The following ARID1B variants were observed in gnomAD, a reference collection of about 807,000 sequenced individuals.
The protein encoded by ARID1B is AT-rich interaction domain 1B.
A neutral mutation model predicts 212.3 loss-of-function variants in ARID1B; 30 were observed. The ratio of observed to expected loss-of-function variants is 0.14; its 90% CI spans 0.11 to 0.19. ARID1B has a LOEUF of 0.19. Among genes scored for constraint, ARID1B ranks in the 10% least tolerant of loss-of-function variants. The pLI is 1.00. For synonymous variants in ARID1B, 1,402 were observed against 1,301.7 expected (o/e 1.08, Z -1.66); for missense variants, 2,891 against 3,204.0 (o/e 0.90, Z 2.36).
intron 7 of ARID1B, chr6:157,140,884 A>T: frequency 2.6e-6 from 1 of 389,230 alleles, no homozygotes; most frequent in Non-Finnish European, 4.5e-6. Context: ...TGTGTTTCTC[A>T]TCATCACTCT....
chr6:156,936,441 T>G (rs1250525307), intron 4 of ARID1B: 1 of 151,972 alleles, frequency 6.6e-6, no homozygotes, highest in Non-Finnish European at 1.5e-5. Context: ...GGCTATTATA[T>G]GGGGTATCAT....
intron 6 of ARID1B, among the ~76,000 whole-genome samples, chr6:157,118,441 T>A (rs908638847): frequency 6.6e-6 from 1 of 152,178 alleles, no homozygotes. Context: ...AGTTTATAGA[T>A]CACCCCGGTA....
intron 4 of ARID1B, among the ~76,000 whole-genome samples, chr6:157,020,349 T>A (rs1303124189): frequency 6.6e-6 from 1 of 152,206 alleles, no homozygotes; most frequent in Non-Finnish European, 1.5e-5. Flanking sequence ...AGGGATGTAA[T>A]TTAAACATGT....
intron 4 of ARID1B, among the ~76,000 whole-genome samples, chr6:157,074,879 G>C (rs1784211090): frequency 6.6e-6 from 1 of 152,112 alleles, no homozygotes; most frequent in Non-Finnish European, 1.5e-5. Flanking sequence ...AATGGCTCTT[G>C]TGGAGAGGTA....
intron 4 of ARID1B, among the ~76,000 whole-genome samples, chr6:157,001,949 G>A (rs1360252433): frequency 1.3e-5 from 2 of 152,210 alleles, no homozygotes; most frequent in African/African-American, 2.4e-5. Flanking sequence ...CGTTTCCAGA[G>A]GTGCCTCGTA....
At chr6:156,948,311 A>G (rs1793316341) in intron 4 of ARID1B, among the ~76,000 whole-genome samples, 1 of 152,168 alleles carries the variant, frequency 6.6e-6, no homozygotes, top group African/African-American at 2.4e-5. Context: ...TTGAACGCCT[A>G]GACTCAGCCT....
intron 8 of ARID1B, chr6:157,164,620 T>C (rs544921550): frequency 3.9e-5 from 6 of 152,166 alleles, no homozygotes; most frequent in African/African-American, 1.2e-4. Flanking sequence ...CCTTTAACAA[T>C]TTTTTTTCTT....
rs2128338705 is a variant in ARID1B at position 157,189,658 on chromosome 6, G to A, written c.3936G>A (p.Leu1312=). The change falls in exon 14 of 20, where the codon TTG becomes TTA. Residue 1312 remains leucine (L), a synonymous_variant. Transcript: ENST00000636930. ...TACTATCAGCTAACTCGGGATCCTT[G>A]CAAGGCCCACAGACCCCCCAGTCAA... The part of the protein sequence containing the change: ...QPPSPANSGS[L]QGPQTPQSTG... 1 of 1,610,728 alleles carries A rather than the reference G, an allele frequency of 6.2e-7. No homozygotes were observed. Among genetic ancestry groups the A allele is most frequent in the Non-Finnish European group, 8.5e-7 (1 of 1,179,430 alleles).
rs1428599217 is a variant in ARID1B at position 156,839,510 on chromosome 6, G to C, written c.1986+10089G>C. ...ATACATTCAAATCACTGAGCAGTTG[G>C]GGAGAGGAGGAAAGACTAGAATCCC... On this transcript the variant is annotated intron_variant, in intron 2 of 19. Coordinates refer to ENST00000636930, the MANE Select transcript of ARID1B (RefSeq NM_001374828.1). Among the ~76,000 whole-genome samples, 3 of 152,184 alleles carry C rather than the reference G, an allele frequency of 2.0e-5. No homozygotes were observed. In the East Asian group the frequency reaches 5.8e-4, roughly 29 times the overall value.
At position 157,079,851 on chromosome 6, in the gene ARID1B, G is replaced by GAGAAAA. The variant is rs201577543; in HGVS notation, c.2248-4796_2248-4791dup. ...AAGAAGGTGAGGGTGTAGTTGAAGAGAGAAAAAGAAAAAGAAAAAGTACAC... is the reference window on the plus strand; with the variant it reads ...AAGAAGGTGAGGGTGTAGTTGAAGAGAGAAAAAGAAAAAGAAAAAGAAAAAGTACAC... On this transcript the variant is annotated intron_variant, in intron 4 of 19. Coordinates refer to ENST00000636930, the MANE Select transcript of ARID1B (RefSeq NM_001374828.1). 5.9e-5 allele frequency among the ~76,000 whole-genome samples: 9 copies of GAGAAAA among 152,110 alleles called. No individual in the cohort carries two copies. In the East Asian group the frequency reaches 1.7e-3, roughly 29 times the overall value.
At chr6:157,110,441 C>T (rs756251744) in intron 5 of ARID1B, 31 bp from the exon 6 acceptor site, 76 of 1,601,478 alleles carry the variant, frequency 4.7e-5, no homozygotes, top group Non-Finnish European at 6.2e-5. Context: ...AAGGGTTCCC[C>T]CATCTCCACT....
chr6:157,179,952 G>A (rs1158725272), intron 11 of ARID1B, among the ~76,000 whole-genome samples: 1 of 152,146 alleles, frequency 6.6e-6, no homozygotes, highest in East Asian at 1.9e-4. Context: ...AATTCTGTCT[G>A]TAATAATTTC....
chr6:157,209,145 A>G lies in ARID1B; in HGVS notation c.*1254A>G. The G allele has an allele frequency of 4.3e-6, 1 of 230,606 alleles. No individual in the cohort carries two copies. The highest frequency in any genetic ancestry group is 6.2e-5 in the East Asian group (1 of 16,138). 14.3% of individuals were successfully genotyped at this position (230,606 alleles called of 1,614,324 possible). A position where few individuals can be genotyped will look rare whatever the true frequency, so the allele number is the denominator to read the frequency against. On this transcript the variant is annotated 3_prime_UTR_variant, in exon 20 of 20. Transcript: ENST00000636930. Reference sequence around the variant, plus strand: ...ATGTAGTTTAAAAAAAAAAAAAAGAAAAAAACTTGATGTAAATTCCTCCTT... The same window carrying G: ...ATGTAGTTTAAAAAAAAAAAAAAGAGAAAAACTTGATGTAAATTCCTCCTT...
chr6:156,795,109 C>T (rs925850898), intron 1 of ARID1B, among the ~76,000 whole-genome samples: 3 of 152,230 alleles, frequency 2.0e-5, no homozygotes, highest in Non-Finnish European at 4.4e-5. Flanking sequence ...CCCAGGGTGG[C>T]CGTGAACTAG....
At chr6:156,939,094 CTGT>C in intron 4 of ARID1B, 1 of 152,258 alleles carries the variant, frequency 6.6e-6, no homozygotes, top group Admixed American at 6.5e-5. Flanking sequence ...CAGCATTTCC[CTGT>C]TTAGTTGTAT....
rs1248514225 is a variant in ARID1B, at chr6:157,181,017, G to C, written c.3553G>C (p.Glu1185Gln). 1.2e-6 allele frequency: 2 copies of C among 1,614,080 alleles called. No individual in the cohort carries two copies. The highest frequency in any genetic ancestry group is 8.5e-7 in the Non-Finnish European group (1 of 1,180,022). Residue 1185 changes from glutamate to glutamine, a missense_variant, in exon 12 of 20, where the codon GAG becomes CAG. By Grantham distance (29) the Glu-to-Gln change is conservative. Around this residue, in one of 7 missense-constraint regions of ARID1B, gnomAD observed 666 missense variants for 873.5 expected, o/e 0.76. Coordinates refer to ENST00000636930, the MANE Select transcript of ARID1B (RefSeq NM_001374828.1). ...TTGEKITKVY[E>Q]LGNEPERKLW... ...TGGGGAGAAGATCACGAAGGTGTAC[G>C]AGCTGGGGAATGAGCCAGAGAGAAA...
chr6:157,123,241 C>G lies in ARID1B; in HGVS notation c.2582-9787C>G, dbSNP rs868825764. 8.0e-5 allele frequency among the ~76,000 whole-genome samples: 9 copies of G among 113,158 alleles called. 1 individual carries two copies. In the South Asian group the frequency reaches 2.8e-3, roughly 36 times the overall value. 74.2% of individuals were successfully genotyped at this position (113,158 alleles called of 152,430 possible). ...CTTTCTCTCCCCCCCGCCCCCCGCC[C>G]CCCCCCCACACACACACAAGCAAAC... On this transcript the variant is annotated intron_variant, in intron 6 of 19. Transcript: ENST00000636930.
intron 4 of ARID1B, among the ~76,000 whole-genome samples, chr6:156,968,230 T>A (rs1794907297): frequency 6.6e-6 from 1 of 152,218 alleles, no homozygotes; most frequent in African/African-American, 2.4e-5. Context: ...AATTTTAGTC[T>A]ATTGTAAATT....
At chr6:156,782,777 TG>T (rs1779367450) in intron 1 of ARID1B, among the ~76,000 whole-genome samples, 1 of 152,168 alleles carries the variant, frequency 6.6e-6, no homozygotes. Flanking sequence ...TATGGATGGC[TG>T]TGTATAGTTA....
Sources: gnomAD v4.1 joint callset for allele counts (sites outside exome capture counted in the v4.1 genomes callset) on GRCh38, gnomAD v4.1.1 for gene constraint, gnomAD v4.1.1 regional missense constraint, MANE v1.5 for transcripts, NCBI Gene and HGNC (gene_info 2026-07-23, HGNC 2026-07-21) for gene names.